Variants in ETFDH observed in about 807,000 individuals in gnomAD.
The protein encoded by ETFDH is electron transfer flavoprotein dehydrogenase.
ETFDH carries 61 observed loss-of-function variants against 73.2 expected under a neutral mutation model. The ratio of observed to expected loss-of-function variants is 0.83; its 90% confidence interval spans 0.68 to 1.03. The LOEUF is 1.03. ETFDH is among the 50% of genes least tolerant of loss of function. The probability of loss-of-function intolerance (pLI) is 0.00; values close to 1 mark genes in which losing one functional copy is unlikely to be tolerated. For synonymous variants in ETFDH, 243 were observed against 253.3 expected, an observed-to-expected ratio of 0.96 and a Z score of 0.39; for missense variants, 685 against 745.0, an observed-to-expected ratio of 0.92 and a Z score of 0.94.
intron 3 of ETFDH, among the ~76,000 whole-genome samples, chr4:158,682,733 C>T (rs1030738874): frequency 6.6e-6 from 1 of 152,062 alleles, no homozygotes; most frequent in Non-Finnish European, 1.5e-5. Context: ...CAGGGTTTCA[C>T]TGTATTGGCC....
At chr4:158,708,038 G>T (rs1774681098) in intron 12 of ETFDH, among the ~76,000 whole-genome samples, 1 of 152,168 alleles carries the variant, frequency 6.6e-6, no homozygotes, top group South Asian at 2.1e-4. Flanking sequence ...CGTCTACTGG[G>T]GATCTTGGAA....
intron 6 of ETFDH, among the ~76,000 whole-genome samples, chr4:158,692,116 C>T (rs911530957): frequency 9.2e-5 from 14 of 152,062 alleles, no homozygotes; most frequent in African/African-American, 2.9e-4. Context: ...AATAGCGGCC[C>T]GTCGCAGTGG....
intron 9 of ETFDH, among the ~76,000 whole-genome samples, chr4:158,702,127 C>T (rs1318740730): frequency 6.6e-6 from 1 of 151,500 alleles, no homozygotes; most frequent in Non-Finnish European, 1.5e-5. Context: ...CTTGTATTAC[C>T]CCGAATGCAT....
rs765049360 is a variant in ETFDH at position 158,708,515 on chromosome 4, C to A, written c.1842C>A (p.Tyr614Ter). 16 of 1,613,364 alleles carry A rather than the reference C, an allele frequency of 9.9e-6. No individual in the cohort carries two copies. Among genetic ancestry groups the A allele is most frequent in the Admixed American group, 1.7e-5 (1 of 59,982 alleles). The change falls in exon 13 of 13, where the codon TAC (tyrosine) becomes TAA (stop). Residue 614 changes from tyrosine (Y) to a stop codon, truncating the protein, a stop_gained. Coordinates refer to ENST00000511912, the MANE Select transcript of ETFDH (RefSeq NM_004453.4). LOFTEE classifies it high-confidence loss of function. ...VVPEGGGGPAYNGM is the reference protein window; with the variant it reads ...VVPEGGGGPA ...CTGAAGGTGGAGGAGGACCTGCTTACAATGGAATGTAAACTGCAGCTAGCC... is the reference window on the plus strand; with the variant it reads ...CTGAAGGTGGAGGAGGACCTGCTTAAAATGGAATGTAAACTGCAGCTAGCC...
intron 2 of ETFDH, 72 bp from the exon 3 acceptor site, chr4:158,682,123 T>C: frequency 6.2e-7 from 1 of 1,604,420 alleles, no homozygotes; most frequent in Non-Finnish European, 8.5e-7. Context: ...ACAGTGGATA[T>C]TTTTTAACTG....
chr4:158,694,274 T>C (rs544768897), intron 6 of ETFDH, among the ~76,000 whole-genome samples: 10 of 152,182 alleles, frequency 6.6e-5, no homozygotes, highest in African/African-American at 2.2e-4. Flanking sequence ...ATGCTCAAAA[T>C]AGTAATCAGG....
intron 1 of ETFDH, among the ~76,000 whole-genome samples, chr4:158,678,369 A>G (rs1034508255): frequency 7.2e-5 from 11 of 152,122 alleles, no homozygotes; most frequent in Admixed American, 5.9e-4. Context: ...TTGTCTGATC[A>G]TTTCTCATGA....
chr4:158,682,493 T>C, intron 3 of ETFDH, 69 bp downstream of exon 3: 1 of 1,220,646 alleles, frequency 8.2e-7, no homozygotes, highest in Non-Finnish European at 1.2e-6. Flanking sequence ...GTTCCCAAAT[T>C]ACTGGAATAT....
Position 158,685,179 on chromosome 4 carries a change from C to T in ETFDH, c.566C>T (p.Ala189Val). The stretch of plus-strand genomic sequence containing the variant: ...AGCTGGATGGGCGAACAAGCAGAAG[C>T]CCTTGGTGTTGAAGTATACCCTGGT... ...LVSWMGEQAE[A>V]LGVEVYPGYA... is the part of the protein sequence containing the mutation. The change falls in exon 5 of 13, where the codon GCC (alanine) becomes GTC (valine). Residue 189 changes from alanine (A) to valine (V), a missense_variant. Ala to Val is a moderately conservative substitution (Grantham distance 64). Coordinates refer to ENST00000511912, the MANE Select transcript of ETFDH (RefSeq NM_004453.4). 6.2e-7 allele frequency: 1 copy of T among 1,612,030 alleles called. No homozygotes were observed. The highest frequency in any genetic ancestry group is 8.5e-7 in the Non-Finnish European group (1 of 1,178,374).
At chr4:158,696,241 C>T (rs1373885283) in intron 7 of ETFDH, among the ~76,000 whole-genome samples, 1 of 152,126 alleles carries the variant, frequency 6.6e-6, no homozygotes, top group Non-Finnish European at 1.5e-5. Context: ...AATGGTGGCC[C>T]ACACCCATAA....
chr4:158,697,714 C>T lies in ETFDH; in HGVS notation c.972+15C>T. ...TTGGTCTTGTGGTAAGTTATATTCC[C>T]ATTAGGGAAAATTCTGCTGCTAGAG... On this transcript the variant is annotated intron_variant, in intron 8 of 12. Coordinates refer to ENST00000511912, the MANE Select transcript of ETFDH (RefSeq NM_004453.4). The T allele has an allele frequency of 6.2e-7, 1 of 1,610,078 alleles. No homozygotes were observed. The highest frequency in any genetic ancestry group is 2.2e-5 in the East Asian group (1 of 44,830).
intron 5 of ETFDH, among the ~76,000 whole-genome samples, chr4:158,686,952 G>A (rs1181037865): frequency 6.6e-6 from 1 of 152,212 alleles, no homozygotes; most frequent in Non-Finnish European, 1.5e-5. Context: ...TGATGACCCT[G>A]CCACACAATG....
chr4:158,682,966 G>A (rs1773903938), intron 3 of ETFDH, among the ~76,000 whole-genome samples: 1 of 152,162 alleles, frequency 6.6e-6, no homozygotes, highest in East Asian at 1.9e-4. Flanking sequence ...GGGTATATGA[G>A]AAGATAACTT....
At chr4:158,683,221 A>C (rs1370371856) in intron 3 of ETFDH, among the ~76,000 whole-genome samples, 1 of 152,178 alleles carries the variant, frequency 6.6e-6, no homozygotes, top group African/African-American at 2.4e-5. Flanking sequence ...ATTGTCTTAA[A>C]TAAAATTTGT....
At position 158,682,245 on chromosome 4, in the gene ETFDH, G is replaced by T. The variant is rs1430630684; in HGVS notation, c.226G>T (p.Ala76Ser). The change falls in exon 3 of 13, where the codon GCA (alanine) becomes TCA (serine). Residue 76 changes from alanine (A) to serine (S), a missense_variant. Ala to Ser is a moderately conservative substitution (Grantham distance 99). Around this residue, in one of 3 missense-constraint regions of ETFDH, gnomAD observed 405 missense variants for 399.3 expected, o/e 1.01. Transcript: ENST00000511912. Reference sequence around the variant, plus strand: ...AGAAGCAGATGTTGTAATAGTTGGTGCAGGCCCTGCAGGGCTCTCTGCAGC... The same window carrying T: ...AGAAGCAGATGTTGTAATAGTTGGTTCAGGCCCTGCAGGGCTCTCTGCAGC... ...AEEADVVIVG[A>S]GPAGLSAAVR... 6.2e-7 allele frequency: 1 copy of T among 1,614,168 alleles called. No individual in the cohort carries two copies. Among genetic ancestry groups the T allele is most frequent in the Non-Finnish European group, 8.5e-7 (1 of 1,180,020 alleles).
chr4:158,692,316 C>T (rs1027422485), intron 6 of ETFDH, among the ~76,000 whole-genome samples: 2 of 148,504 alleles, frequency 1.3e-5, no homozygotes, highest in African/African-American at 5.0e-5. Context: ...AGGAGAATGG[C>T]GTGAACCCAG....
chr4:158,699,755 G>C (rs1195982877), intron 9 of ETFDH, among the ~76,000 whole-genome samples: 1 of 152,062 alleles, frequency 6.6e-6, no homozygotes, highest in East Asian at 1.9e-4. Flanking sequence ...CAACTACCTA[G>C]TAACATTCAT....
At chr4:158,681,134 AGAT>A (rs1218412779) in intron 2 of ETFDH, among the ~76,000 whole-genome samples, 1 of 152,190 alleles carries the variant, frequency 6.6e-6, no homozygotes, top group Non-Finnish European at 1.5e-5. Flanking sequence ...TTTGCATAGG[AGAT>A]GACAGCTCCA....
At position 158,697,791 on chromosome 4, in the gene ETFDH, A is replaced by G. The variant is rs1774351565; in HGVS notation, c.972+92A>G. ...AAGGGTTTTGAATCTGAAGACTGTA[A>G]AATGCTTTTTATTTAAAGCTTTCTA... On this transcript the variant is annotated intron_variant, in intron 8 of 12. Transcript: ENST00000511912. 4.2e-6 allele frequency: 5 copies of G among 1,193,554 alleles called. 1 individual carries two copies. Among genetic ancestry groups the G allele is most frequent in the Non-Finnish European group, 6.2e-6 (5 of 804,862 alleles). The allele number at this position is 1,193,554 out of a possible 1,614,324, so 73.9% of individuals were successfully genotyped here.
Sources: allele counts gnomAD v4.1 joint callset (sites outside exome capture counted in the v4.1 genomes callset), GRCh38; gene constraint gnomAD v4.1.1; regional missense constraint gnomAD v4.1.1; transcripts MANE v1.5; gene names NCBI Gene and HGNC (gene_info 2026-07-23, HGNC 2026-07-21).